The following SMARCAD1 variants were observed in gnomAD, a reference collection of about 807,000 sequenced individuals.
The protein encoded by SMARCAD1 is SWI/SNF-related matrix-associated actin-dependent regulator of chromatin subfamily A containing DEAD/H box 1.
SMARCAD1 carries 25 observed loss-of-function variants against 127.1 expected under a neutral mutation model. The observed-to-expected ratio is 0.20, with a 90% CI of 0.14 to 0.27. The LOEUF is 0.27. SMARCAD1 is among the 10% of genes least tolerant of loss of function. The probability of loss-of-function intolerance (pLI) is 1.00; values close to 1 mark genes in which losing one functional copy is unlikely to be tolerated. For missense variants in SMARCAD1, 807 were observed against 1,206.0 expected (o/e 0.67, Z 4.90); for synonymous variants, 400 against 396.9 (o/e 1.01, Z -0.09).
chr4:94,213,184 G>A, intron 2 of SMARCAD1: 2 of 1,094,524 alleles, frequency 1.8e-6, no homozygotes, highest in Non-Finnish European at 2.4e-6. Flanking sequence ...ATAGTATGGT[G>A]TGATAAAACC....
chr4:94,233,600 A>G (rs1579098229), intron 3 of SMARCAD1, among the ~76,000 whole-genome samples: 1 of 152,190 alleles, frequency 6.6e-6, no homozygotes, highest in South Asian at 2.1e-4. Context: ...TAGGAGTAGC[A>G]TAACTTCGTC....
intron 9 of SMARCAD1, among the ~76,000 whole-genome samples, chr4:94,254,284 T>G (rs1749725478): frequency 6.6e-6 from 1 of 152,158 alleles, no homozygotes; most frequent in South Asian, 2.1e-4. Flanking sequence ...AAGGGCTTTC[T>G]TGTTCTTCTT....
intron 9 of SMARCAD1, among the ~76,000 whole-genome samples, chr4:94,254,927 C>G (rs1452746497): frequency 6.6e-6 from 1 of 151,826 alleles, no homozygotes; most frequent in East Asian, 1.9e-4. Context: ...CAAACCCTAC[C>G]CTAGAGCAGA....
At chr4:94,258,876 A>G (rs1351718436) in intron 9 of SMARCAD1, among the ~76,000 whole-genome samples, 1 of 152,236 alleles carries the variant, frequency 6.6e-6, no homozygotes, top group Non-Finnish European at 1.5e-5. Flanking sequence ...TGTGTATATT[A>G]TTAATGAAAT....
At chr4:94,226,930 C>A (rs1176012059) in intron 3 of SMARCAD1, among the ~76,000 whole-genome samples, 1 of 151,846 alleles carries the variant, frequency 6.6e-6, no homozygotes, top group African/African-American at 2.4e-5. Context: ...TCTCAGACTC[C>A]TGGCCTCAAG....
Position 94,240,961 on chromosome 4 carries a change from T to C in SMARCAD1, c.660T>C (p.Asp220=). The C allele has an allele frequency of 6.2e-7, 1 of 1,613,314 alleles. No individual in the cohort carries two copies. The highest frequency in any genetic ancestry group is 1.7e-4 in the Middle Eastern group (1 of 5,940). The change falls in exon 6 of 24, where the codon GAT becomes GAC. Residue 220 remains aspartate (D), a synonymous_variant. Transcript: ENST00000354268. ...CTTCTTCAGAGCCATATGAGGAAGA[T>C]GAATTTAATGATGATCAATCTATAA... ...LSSSSEPYEE[D]EFNDDQSIKK... is the part of the protein sequence containing the mutation.
intron 6 of SMARCAD1, among the ~76,000 whole-genome samples, chr4:94,247,698 T>C (rs895163101): frequency 1.3e-5 from 2 of 152,168 alleles, no homozygotes; most frequent in African/African-American, 4.8e-5. Flanking sequence ...CTCCTCCCCC[T>C]AACCCCTGGC....
intron 10 of SMARCAD1, among the ~76,000 whole-genome samples, chr4:94,269,223 A>AT (rs1367449345): frequency 1.3e-5 from 2 of 152,224 alleles, no homozygotes; most frequent in Non-Finnish European, 2.9e-5. Context: ...AGTTCTAATT[A>AT]TGTCTTGATT....
chr4:94,273,854 T>G, intron 12 of SMARCAD1, 138 bp downstream of exon 12: 1 of 691,946 alleles, frequency 1.4e-6, no homozygotes, highest in Admixed American at 2.6e-5. Context: ...TATGGTCTCT[T>G]TATACTTTTC....
At chr4:94,215,313 T>C (rs959316077) in intron 2 of SMARCAD1, among the ~76,000 whole-genome samples, 31 of 152,270 alleles carry the variant, frequency 2.0e-4, no homozygotes, top group South Asian at 6.2e-4. Flanking sequence ...GAATCTTAAG[T>C]GCATTTTAAA....
At chr4:94,271,414 ACC>A (rs893264563) in intron 11 of SMARCAD1, among the ~76,000 whole-genome samples, 2 of 152,162 alleles carry the variant, frequency 1.3e-5, no homozygotes, top group Non-Finnish European at 2.9e-5. Context: ...TGGAAACTTG[ACC>A]TTTAATCTAA....
At chr4:94,209,178 T>A (rs1194640444) in intron 2 of SMARCAD1, among the ~76,000 whole-genome samples, 2 of 152,230 alleles carry the variant, frequency 1.3e-5, no homozygotes, top group Non-Finnish European at 2.9e-5. Flanking sequence ...AAAATTAAGA[T>A]TTCCACTCGA....
At chr4:94,208,154 C>A in intron 1 of SMARCAD1, 84 bp downstream of exon 1, 2 of 661,344 alleles carry the variant, frequency 3.0e-6, no homozygotes, top group Non-Finnish European at 5.5e-6. Context: ...GAGTGAAAAG[C>A]AATGGAAAAT....
chr4:94,257,892 A>T (rs1172925996), intron 9 of SMARCAD1, among the ~76,000 whole-genome samples: 2 of 152,094 alleles, frequency 1.3e-5, no homozygotes, highest in Non-Finnish European at 2.9e-5. Flanking sequence ...ACCTCACTTC[A>T]CATGCCCATT....
At position 94,216,553 on chromosome 4, in the gene SMARCAD1, A is replaced by G. The variant is rs546682618; in HGVS notation, c.190+7969A>G. Among the ~76,000 whole-genome samples the G allele has an allele frequency of 3.9e-5, 6 of 152,342 alleles. No individual in the cohort carries two copies. The South Asian group carries it at 6.2e-4, about 16-fold the overall frequency. ...AATACATATACATTGTCATGCAACT[A>G]TTCTCCAGCACTCTTTTCATCTTGT... is the stretch of plus-strand genomic sequence containing the variant. On this transcript the variant is annotated intron_variant, in intron 2 of 23. Transcript: ENST00000354268.
intron 5 of SMARCAD1, 96 bp from the exon 6 acceptor site, chr4:94,240,810 A>G: frequency 1.2e-6 from 1 of 808,554 alleles, no homozygotes; most frequent in Admixed American, 2.0e-5. Flanking sequence ...AGAACTGTCT[A>G]GTATTCATTA....
chr4:94,277,741 A>G (rs1338145762), intron 16 of SMARCAD1, among the ~76,000 whole-genome samples: 2 of 152,210 alleles, frequency 1.3e-5, no homozygotes, highest in African/African-American at 4.8e-5. Context: ...GCTCTCTTCC[A>G]CATCACTAAT....
intron 9 of SMARCAD1, among the ~76,000 whole-genome samples, chr4:94,254,703 A>G (rs1222997648): frequency 6.6e-6 from 1 of 152,140 alleles, no homozygotes; most frequent in Non-Finnish European, 1.5e-5. Context: ...GAAATATTTT[A>G]TGTAACAGTC....
intron 14 of SMARCAD1, 34 bp from the exon 15 acceptor site, chr4:94,276,305 A>G (rs370394907): frequency 1.1e-5 from 18 of 1,612,568 alleles, no homozygotes; most frequent in African/African-American, 6.7e-5. Context: ...TCTTAAAGGT[A>G]TAACCTTAGA....
Sources: gnomAD v4.1 joint callset for allele counts (sites outside exome capture counted in the v4.1 genomes callset) on GRCh38, gnomAD v4.1.1 for gene constraint, MANE v1.5 for transcripts, NCBI Gene and HGNC (gene_info 2026-07-23, HGNC 2026-07-21) for gene names.